The following AGBL4 variants were observed in gnomAD, a reference collection of about 807,000 sequenced individuals.
AGBL4 encodes AGBL carboxypeptidase 4.
AGBL4 carries 58 observed loss-of-function variants against 66.4 expected under a neutral mutation model. The ratio of observed to expected loss-of-function variants is 0.87; its 90% CI spans 0.71 to 1.09. The LOEUF (loss-of-function observed/expected upper bound fraction) is 1.09, where lower values mean the gene tolerates loss of function less well. AGBL4 is among the 50% of genes least tolerant of loss of function. The probability of loss-of-function intolerance (pLI) is 0.00; values close to 1 mark genes in which losing one functional copy is unlikely to be tolerated. For missense variants in AGBL4, 579 were observed against 631.0 expected, an observed-to-expected ratio of 0.92 and a Z score of 0.88; for synonymous variants, 234 against 222.9, an observed-to-expected ratio of 1.05 and a Z score of -0.44.
At chr1:49,362,392 CTT>C (rs1294928187) in intron 3 of AGBL4, among the ~76,000 whole-genome samples, 1 of 134,314 alleles carries the variant, frequency 7.4e-6, no homozygotes, top group Non-Finnish European at 1.5e-5. Context: ...ATGTGTCAAA[CTT>C]TTCAAAAAAT....
At chr1:49,941,700 A>AC (rs1157746740) in intron 1 of AGBL4, among the ~76,000 whole-genome samples, 2 of 151,986 alleles carry the variant, frequency 1.3e-5, no homozygotes, top group African/African-American at 4.8e-5. Flanking sequence ...TTTTAAAAAA[A>AC]CTCTCAAAAA....
chr1:49,156,495 G>C (rs1345480707), intron 4 of AGBL4, among the ~76,000 whole-genome samples: 2 of 152,220 alleles, frequency 1.3e-5, no homozygotes. Context: ...CCTCTCATGA[G>C]GTTTTCATCA....
chr1:49,308,116 A>T (rs573899882), intron 3 of AGBL4, among the ~76,000 whole-genome samples: 1 of 152,014 alleles, frequency 6.6e-6, no homozygotes, highest in East Asian at 1.9e-4. Flanking sequence ...CCACAAGTAA[A>T]AGCTCCCTGA....
intron 6 of AGBL4, among the ~76,000 whole-genome samples, chr1:48,799,217 G>A (rs1026329966): frequency 1.3e-5 from 2 of 151,930 alleles, no homozygotes; most frequent in African/African-American, 4.8e-5. Flanking sequence ...AGTTTTCCTT[G>A]CAGAGATATT....
intron 2 of AGBL4, among the ~76,000 whole-genome samples, chr1:49,754,231 T>C (rs1266336424): frequency 6.6e-6 from 1 of 152,114 alleles, no homozygotes; most frequent in East Asian, 1.9e-4. Flanking sequence ...TCTTTGATGT[T>C]GGTGACCTTC....
intron 3 of AGBL4, among the ~76,000 whole-genome samples, chr1:49,288,299 G>T (rs1460932975): frequency 8.0e-5 from 12 of 150,278 alleles, no homozygotes; most frequent in Non-Finnish European, 3.0e-5. Flanking sequence ...CACCAGCATG[G>T]CACATGTATA....
At chr1:49,382,548 T>C (rs2148577315) in intron 3 of AGBL4, among the ~76,000 whole-genome samples, 1 of 152,166 alleles carries the variant, frequency 6.6e-6, no homozygotes, top group East Asian at 1.9e-4. Flanking sequence ...AACCCACATC[T>C]AACATTATTC....
At chr1:48,775,897 G>C (rs1450173161) in intron 6 of AGBL4, among the ~76,000 whole-genome samples, 1 of 152,180 alleles carries the variant, frequency 6.6e-6, no homozygotes, top group Admixed American at 6.5e-5. Flanking sequence ...CTCATTCAGG[G>C]AGCCTTCTGG....
chr1:48,760,534 A>G (rs1644201542), intron 6 of AGBL4, among the ~76,000 whole-genome samples: 1 of 152,210 alleles, frequency 6.6e-6, no homozygotes, highest in South Asian at 2.1e-4. Flanking sequence ...GATCGTTACA[A>G]TATGTCTGCG....
chr1:48,815,835 A>T (rs957508229), intron 6 of AGBL4, among the ~76,000 whole-genome samples: 6 of 152,190 alleles, frequency 3.9e-5, no homozygotes, highest in African/African-American at 1.4e-4. Flanking sequence ...AGGCAGTTCT[A>T]ATTACAACGC....
chr1:49,240,407 T>C lies in AGBL4; in HGVS notation c.377+5363A>G, dbSNP rs190364890. 5.5e-4 allele frequency among the ~76,000 whole-genome samples: 84 copies of C among 152,252 alleles called. 2 individuals carry two copies. The East Asian group carries it at 0.012, about 21-fold the overall frequency. ...GAACTCCTACCACCCACCAGGTCAC[T>C]AAAAGTGCACTCACGAAAGCCTCTC... On this transcript the variant is annotated intron_variant, in intron 4 of 13. Transcript: ENST00000371839.
intron 2 of AGBL4, among the ~76,000 whole-genome samples, chr1:49,772,074 A>T (rs1002668243): frequency 8.6e-5 from 13 of 151,422 alleles, no homozygotes; most frequent in Non-Finnish European, 1.2e-4. Flanking sequence ...CTAGTTATTT[A>T]CTTTTGTGGT....
chr1:49,617,758 A>G (rs546997280), intron 3 of AGBL4, among the ~76,000 whole-genome samples: 1 of 152,344 alleles, frequency 6.6e-6, no homozygotes, highest in East Asian at 1.9e-4. Context: ...TAAAAACAAC[A>G]GGAGATAAGA....
At chr1:49,053,999 A>C (rs1009084177) in intron 4 of AGBL4, among the ~76,000 whole-genome samples, 16 of 152,166 alleles carry the variant, frequency 1.1e-4, no homozygotes, top group African/African-American at 3.6e-4. Context: ...TAAAAGCAGA[A>C]GCATAGAAGA....
At chr1:48,734,046 A>AGGCAG in intron 6 of AGBL4, among the ~76,000 whole-genome samples, 1 of 152,330 alleles carries the variant, frequency 6.6e-6, no homozygotes, top group African/African-American at 2.4e-5. Flanking sequence ...GTCACCTACC[A>AGGCAG]GGCAGGGCAG....
chr1:48,576,782 T>C (rs1415660563), intron 11 of AGBL4, among the ~76,000 whole-genome samples: 1 of 152,146 alleles, frequency 6.6e-6, no homozygotes, highest in Admixed American at 6.5e-5. Flanking sequence ...ACTCCCCAAA[T>C]CTATTTCTGT....
chr1:49,864,228 CAAAG>C (rs1320243421), intron 1 of AGBL4, among the ~76,000 whole-genome samples: 1 of 151,764 alleles, frequency 6.6e-6, no homozygotes, highest in South Asian at 2.1e-4. Context: ...AACTAATAGA[CAAAG>C]AGAGTAGAAG....
At chr1:49,798,034 G>A (rs1480099229) in intron 2 of AGBL4, among the ~76,000 whole-genome samples, 1 of 152,120 alleles carries the variant, frequency 6.6e-6, no homozygotes, top group Non-Finnish European at 1.5e-5. Flanking sequence ...ACGGGCATGA[G>A]CCACCTTGCC....
intron 1 of AGBL4, among the ~76,000 whole-genome samples, chr1:49,884,076 C>A (rs1647742304): frequency 6.6e-6 from 1 of 151,808 alleles, no homozygotes; most frequent in African/African-American, 2.4e-5. Flanking sequence ...AATATTCAAC[C>A]ACATAGTTGT....
Sources: allele counts gnomAD v4.1 joint callset (sites outside exome capture counted in the v4.1 genomes callset), GRCh38; gene constraint gnomAD v4.1.1; transcripts MANE v1.5; gene names NCBI Gene and HGNC (gene_info 2026-07-23, HGNC 2026-07-21).